THSD7A: variants seen among roughly 807,000 people sequenced by gnomAD.
THSD7A encodes the protein thrombospondin type-1 domain-containing protein 7A.
A neutral mutation model predicts 231.3 loss-of-function variants in THSD7A; 96 were observed. That is an observed-to-expected ratio of 0.41 (90% CI 0.35 to 0.49). The LOEUF (loss-of-function observed/expected upper bound fraction) is 0.49, where lower values mean the gene tolerates loss of function less well. Ranked by LOEUF, THSD7A falls within the 20% of genes least tolerant of loss-of-function variation. The pLI, the probability that THSD7A is intolerant of heterozygous loss-of-function variation, is 0.05. For missense variants in THSD7A, 2,290 were observed against 2,070.2 expected, an observed-to-expected ratio of 1.11 and a Z score of -2.06; for synonymous variants, 940 against 743.3, an observed-to-expected ratio of 1.26 and a Z score of -4.30.
At chr7:11,620,331 G>A (rs1781261454) in intron 2 of THSD7A, among the ~76,000 whole-genome samples, 1 of 151,952 alleles carries the variant, frequency 6.6e-6, no homozygotes, top group Admixed American at 6.6e-5. Flanking sequence ...ATACACCTGT[G>A]GCATTGCAGT....
intron 1 of THSD7A, among the ~76,000 whole-genome samples, chr7:11,768,496 C>T (rs1783100021): frequency 1.3e-5 from 2 of 152,138 alleles, no homozygotes; most frequent in Non-Finnish European, 1.5e-5. Context: ...AGACTGAAAG[C>T]CTCTTTACAG....
intron 1 of THSD7A, among the ~76,000 whole-genome samples, chr7:11,650,813 G>A (rs918739656): frequency 2.0e-5 from 3 of 151,230 alleles, no homozygotes; most frequent in Non-Finnish European, 4.4e-5. Flanking sequence ...TATTTGTTTT[G>A]TTTTGTTTTG....
chr7:11,478,685 A>G lies in THSD7A; in HGVS notation c.2017+3103T>C, dbSNP rs143797274. Among the ~76,000 whole-genome samples the G allele has an allele frequency of 5.7e-3, 869 of 152,300 alleles. 7 individuals carry two copies. The highest frequency in any genetic ancestry group is 0.02 in the African/African-American group (812 of 41,582). On this transcript the variant is annotated intron_variant, in intron 7 of 27. Transcript: ENST00000423059. ...GAAAGTGCCATTCTATCATTCTGTCATTCATTTAAGAGGAACAAAAATAAT... is the reference window on the plus strand; with the variant it reads ...GAAAGTGCCATTCTATCATTCTGTCGTTCATTTAAGAGGAACAAAAATAAT...
chr7:11,488,751 A>G (rs1048196557), intron 6 of THSD7A, among the ~76,000 whole-genome samples: 2 of 152,172 alleles, frequency 1.3e-5, no homozygotes, highest in Non-Finnish European at 2.9e-5. Flanking sequence ...CTGAAAACCA[A>G]CTTCCTCACT....
intron 2 of THSD7A, among the ~76,000 whole-genome samples, chr7:11,628,178 G>T (rs1167171615): frequency 6.6e-6 from 1 of 152,046 alleles, no homozygotes; most frequent in Non-Finnish European, 1.5e-5. Flanking sequence ...ACTAATAAAT[G>T]TGGAAATGTT....
chr7:11,511,459 ACAGCCCG>A (rs1439307312), intron 6 of THSD7A, among the ~76,000 whole-genome samples: 1 of 152,200 alleles, frequency 6.6e-6, no homozygotes, highest in Non-Finnish European at 1.5e-5. Flanking sequence ...GAACCAAAAA[ACAGCCCG>A]CATTGCTAAG....
chr7:11,478,208 G>C (rs1786274918), intron 7 of THSD7A, among the ~76,000 whole-genome samples: 2 of 152,062 alleles, frequency 1.3e-5, no homozygotes, highest in Admixed American at 6.6e-5. Context: ...TCCTACATGA[G>C]GCCACCCACA....
At chr7:11,386,182 T>C (rs771039822) in intron 23 of THSD7A, among the ~76,000 whole-genome samples, 1 of 152,222 alleles carries the variant, frequency 6.6e-6, no homozygotes, top group African/African-American at 2.4e-5. Flanking sequence ...AACATATGTG[T>C]GCATGTGTCT....
chr7:11,613,964 A>T (rs1158963097), intron 2 of THSD7A, among the ~76,000 whole-genome samples: 1 of 152,166 alleles, frequency 6.6e-6, no homozygotes, highest in Non-Finnish European at 1.5e-5. Context: ...CAATACGATG[A>T]CCATAATGGA....
chr7:11,702,210 T>A (rs1780625638), intron 1 of THSD7A, among the ~76,000 whole-genome samples: 1 of 151,228 alleles, frequency 6.6e-6, no homozygotes, highest in Non-Finnish European at 1.5e-5. Flanking sequence ...AACCAGAGTC[T>A]GGTATGATGT....
At chr7:11,730,886 C>T (rs1291091307) in intron 1 of THSD7A, among the ~76,000 whole-genome samples, 1 of 151,572 alleles carries the variant, frequency 6.6e-6, no homozygotes, top group Non-Finnish European at 1.5e-5. Flanking sequence ...TGGCAGTTGA[C>T]CTTTTTATTC....
chr7:11,753,800 G>A (rs922674546), intron 1 of THSD7A, among the ~76,000 whole-genome samples: 1 of 151,948 alleles, frequency 6.6e-6, no homozygotes, highest in Non-Finnish European at 1.5e-5. Context: ...CAGAGAGAGA[G>A]AGAGAGACAG....
chr7:11,729,689 C>T (rs894037609), intron 1 of THSD7A, among the ~76,000 whole-genome samples: 2 of 151,498 alleles, frequency 1.3e-5, no homozygotes, highest in African/African-American at 2.4e-5. Context: ...TGAACTGTTG[C>T]CTTTTATAAG....
rs747246038 is a variant in THSD7A, at chr7:11,447,232, A to G, written c.2798T>C (p.Val933Ala). The part of the protein sequence containing the change: ...GAVRTRKRTL[V>A]GKSKKKEKCK... The stretch of plus-strand genomic sequence containing the variant: ...TTTGGCATCCCAATTATTCTTACCA[A>G]CAAGAGTGCGCTTTCTGGTCCTAAC... The change falls in exon 12 of 28, where the codon GTT becomes GCT. Residue 933 changes from valine (V) to alanine (A), a missense_variant and splice_region_variant. Transcript: ENST00000423059. 9.3e-6 allele frequency: 15 copies of G among 1,612,740 alleles called. No homozygotes were observed. Among genetic ancestry groups the G allele is most frequent in the Admixed American group, 1.7e-5 (1 of 59,838 alleles).
At chr7:11,518,157 T>C (rs1028597812) in intron 6 of THSD7A, among the ~76,000 whole-genome samples, 3 of 152,192 alleles carry the variant, frequency 2.0e-5, no homozygotes, top group Admixed American at 6.5e-5. Flanking sequence ...TGCTTGTTTG[T>C]TAACCCCTTG....
At chr7:11,385,079 T>C (rs558041403) in intron 23 of THSD7A, 14 of 151,790 alleles carry the variant, frequency 9.2e-5, no homozygotes, top group African/African-American at 3.4e-4. Context: ...TCAATGCAGC[T>C]TTTTCCAATT....
intron 2 of THSD7A, among the ~76,000 whole-genome samples, chr7:11,605,337 T>A (rs1780699247): frequency 6.6e-6 from 1 of 152,140 alleles, no homozygotes; most frequent in African/African-American, 2.4e-5. Context: ...GGGAAAGTCA[T>A]GAAAATGAGC....
At chr7:11,405,153 T>C (rs1783540567) in intron 22 of THSD7A, among the ~76,000 whole-genome samples, 1 of 8,388 alleles carries the variant, frequency 1.2e-4, no homozygotes, top group South Asian at 1.8e-3. Context: ...TCTCAAATGA[T>C]TTTTTTTTTT....
chr7:11,487,833 G>C (rs1207250889), intron 6 of THSD7A, among the ~76,000 whole-genome samples: 1 of 152,078 alleles, frequency 6.6e-6, no homozygotes, highest in African/African-American at 2.4e-5. Flanking sequence ...CCCTTGACAC[G>C]TGGGGATTAT....
Sources: gnomAD v4.1 joint callset for allele counts (sites outside exome capture counted in the v4.1 genomes callset) on GRCh38, gnomAD v4.1.1 for gene constraint, MANE v1.5 for transcripts, NCBI Gene and HGNC (gene_info 2026-07-23, HGNC 2026-07-21) for gene names.